Variants in SPI1 observed in about 807,000 individuals in gnomAD.
SPI1 encodes the protein Spi-1 proto-oncogene.
Under a neutral mutation model 30.7 loss-of-function variants are expected in SPI1, and 3 were observed. That is an observed-to-expected ratio of 0.10 (90% CI 0.04 to 0.25). The LOEUF (loss-of-function observed/expected upper bound fraction) is 0.25, where lower values mean the gene tolerates loss of function less well. Among genes scored for constraint, SPI1 ranks in the 10% least tolerant of loss-of-function variants. The probability of loss-of-function intolerance (pLI) is 1.00; values close to 1 mark genes in which losing one functional copy is unlikely to be tolerated. For synonymous variants in SPI1, 169 were observed against 157.1 expected, an observed-to-expected ratio of 1.08 and a Z score of -0.56; for missense variants, 261 against 371.5, an observed-to-expected ratio of 0.70 and a Z score of 2.45.
At chr11:47,360,998 G>A in intron 2 of SPI1, among the ~76,000 whole-genome samples, 1 of 148,596 alleles carries the variant, frequency 6.7e-6, no homozygotes, top group Non-Finnish European at 1.5e-5. Flanking sequence ...GCGGGTGCCT[G>A]TAGTCCCAGC....
chr11:47,372,555 G>A (rs1565644171), intron 2 of SPI1, among the ~76,000 whole-genome samples: 1 of 152,166 alleles, frequency 6.6e-6, no homozygotes, highest in Non-Finnish European at 1.5e-5. Flanking sequence ...CAGATGGGAA[G>A]CGGCTGGCAG....
At position 47,355,272 on chromosome 11, in the gene SPI1, C is replaced by G; in HGVS notation, c.768G>C (p.Val256=). ...GCTCGGCCAGGCCCCCGCGGCCCAG[C>G]ACTTCGCCGCTGAACTGGTAGGTGA... ...KKLTYQFSGE[V]LGRGGLAERR... is the part of the protein sequence containing the mutation. The change falls in exon 5 of 5, where the codon GTG becomes GTC. Residue 256 remains valine (V), a synonymous_variant. Transcript: ENST00000378538. The G allele has an allele frequency of 6.4e-7, 1 of 1,551,814 alleles. No homozygotes were observed. Among genetic ancestry groups the G allele is most frequent in the Non-Finnish European group, 8.7e-7 (1 of 1,151,298 alleles).
chr11:47,355,506 G>T lies in SPI1; in HGVS notation c.534C>A (p.Asp178Glu). 1 of 1,608,798 alleles carries T rather than the reference G, an allele frequency of 6.2e-7. No homozygotes were observed. The highest frequency in any genetic ancestry group is 8.5e-7 in the Non-Finnish European group (1 of 1,177,336). Residue 178 changes from aspartate to glutamate, a missense_variant, in exon 5 of 5, where the codon GAC becomes GAA. Asp to Glu is a conservative substitution (Grantham distance 45, BLOSUM62 2). This residue lies in a region of SPI1 where 43 missense variants were observed against 123.8 expected (regional missense o/e 0.35). Coordinates refer to ENST00000378538, the MANE Select transcript of SPI1 (RefSeq NM_003120.3). ...KKIRLYQFLL[D>E]LLRSGDMKDS... ...CCTTCATGTCGCCGCTGCGGAGCAG[G>T]TCCAACAGGAACTGGTACAGGCGGA...
chr11:47,357,339 TCA>T (rs2095912717), intron 4 of SPI1, among the ~76,000 whole-genome samples: 2 of 75,354 alleles, frequency 2.7e-5, no homozygotes, highest in South Asian at 5.4e-4. Context: ...TGACACCTGC[TCA>T]CTCATATTTC....
intron 2 of SPI1, among the ~76,000 whole-genome samples, chr11:47,365,662 AACTTTCAGTAAGACCTGTGGTG>A (rs58706683): frequency 0.31 from 46,940 of 151,954 alleles, 7,405 homozygotes; most frequent in Middle Eastern, 0.41. Context: ...GATTAATGAA[AACTTTCAGTAAGACCTGTGGTG>A]ACGCTGAGAG....
chr11:47,358,930 C>T lies in SPI1; in HGVS notation c.407G>A (p.Gly136Asp). The change falls in exon 4 of 5, where the codon GGC becomes GAC. Residue 136 changes from glycine (G) to aspartate (D), a missense_variant. Gly to Asp is a moderately conservative substitution (Grantham distance 94). Around this residue, in one of 5 missense-constraint regions of SPI1, gnomAD observed 106 missense variants for 102.0 expected, o/e 1.04. Transcript: ENST00000378538. ...CTCCAGTGGGGGGCTCTGCCGCTCG[C>T]CCTCCTCCTCATCTGAGCTGGGCTG... The part of the protein sequence containing the change: ...PAQPSSDEEE[G>D]ERQSPPLEVS... 6.4e-7 allele frequency: 1 copy of T among 1,565,516 alleles called. No homozygotes were observed. The highest frequency in any genetic ancestry group is 8.6e-7 in the Non-Finnish European group (1 of 1,156,114).
chr11:47,355,997 A>G (rs1169120079), intron 4 of SPI1, among the ~76,000 whole-genome samples: 3 of 150,602 alleles, frequency 2.0e-5, no homozygotes, highest in Non-Finnish European at 4.4e-5. Flanking sequence ...GCTCACACGT[A>G]CAATGTATCT....
rs10466479 is a variant in SPI1 at position 47,364,678 on chromosome 11, C to T, written c.143-4638G>A. Among the ~76,000 whole-genome samples the T allele has an allele frequency of 6.9e-3, 1,043 of 152,190 alleles. 14 individuals carry two copies. Among genetic ancestry groups the T allele is most frequent in the African/African-American group, 0.023 (965 of 41,492 alleles). On this transcript the variant is annotated intron_variant, in intron 2 of 4. Transcript: ENST00000378538. The stretch of plus-strand genomic sequence containing the variant: ...GGCACCCAATTGCTCTGTTTTCCTC[C>T]GCACCCCCACCTCTGTTCTAGCTCC...
chr11:47,356,000 A>G (rs776966288), intron 4 of SPI1, among the ~76,000 whole-genome samples: 5 of 150,254 alleles, frequency 3.3e-5, no homozygotes, highest in Non-Finnish European at 7.4e-5. Flanking sequence ...CACACGTACA[A>G]TGTATCTGAT....
At chr11:47,365,148 C>A (rs1030141530) in intron 2 of SPI1, among the ~76,000 whole-genome samples, 7 of 152,088 alleles carry the variant, frequency 4.6e-5, no homozygotes, top group African/African-American at 1.7e-4. Flanking sequence ...CTCTTTGGAC[C>A]CCATTTCCGG....
At chr11:47,356,876 A>T (rs958724091) in intron 4 of SPI1, among the ~76,000 whole-genome samples, 1 of 134,690 alleles carries the variant, frequency 7.4e-6, no homozygotes, top group African/African-American at 2.7e-5. Context: ...ATCTCACATT[A>T]CTCAGCTACA....
intron 4 of SPI1, among the ~76,000 whole-genome samples, chr11:47,357,820 C>G (rs935382522): frequency 6.6e-6 from 1 of 152,200 alleles, no homozygotes; most frequent in Admixed American, 6.5e-5. Flanking sequence ...CCTGCCTCAG[C>G]CTCCCAAAGT....
At position 47,358,857 on chromosome 11, in the gene SPI1, C is replaced by G; in HGVS notation, c.480G>C (p.Leu160=). The change falls in exon 4 of 5, where the codon CTG becomes CTC. Residue 160 remains leucine, a synonymous_variant. Transcript: ENST00000378538. ...CAGGTGCCCCACCTGTCTCCCCAGG[C>G]AGGAGCCCAGGCCCGGGCTCCAGGC... ...ADGLEPGPGL[L]PGETGSKKKI... The G allele has an allele frequency of 6.5e-7, 1 of 1,549,340 alleles. No individual in the cohort carries two copies.
chr11:47,376,631 C>T (rs2095942746), intron 1 of SPI1, among the ~76,000 whole-genome samples: 1 of 151,132 alleles, frequency 6.6e-6, no homozygotes, highest in South Asian at 2.1e-4. Context: ...TCCCCCTCTT[C>T]CCTGTCCTCC....
chr11:47,364,311 A>C (rs1466459402), intron 2 of SPI1, among the ~76,000 whole-genome samples: 2 of 151,966 alleles, frequency 1.3e-5, no homozygotes, highest in African/African-American at 4.8e-5. Context: ...CGGCCTCCCA[A>C]AGTGCTGGGA....
chr11:47,378,346 T>G lies in SPI1; in HGVS notation c.8A>C (p.Gln3Pro), dbSNP rs867961380. ML[Q>P]ACKMEGFPLV... ...GGGAAACCCTTCCATTTTGCACGCC[T>G]GTAACATCCAGCCGGGCTCCGAGTC... Residue 3 changes from glutamine to proline, a missense_variant, in exon 1 of 5, where the codon CAG (glutamine) becomes CCG (proline). Gln to Pro is a moderately conservative substitution (Grantham distance 76, BLOSUM62 -1). Transcript: ENST00000378538. The G allele has an allele frequency of 6.2e-7, 1 of 1,613,272 alleles. No individual in the cohort carries two copies. Among genetic ancestry groups the G allele is most frequent in the Non-Finnish European group, 8.5e-7 (1 of 1,179,710 alleles).
chr11:47,364,384 T>G (rs1445827703), intron 2 of SPI1, among the ~76,000 whole-genome samples: 1 of 152,032 alleles, frequency 6.6e-6, no homozygotes, highest in East Asian at 1.9e-4. Flanking sequence ...ATCCCGAAAC[T>G]CTCCTCGCTG....
chr11:47,355,216 G>C lies in SPI1; in HGVS notation c.*11C>G, dbSNP rs2095906194. On this transcript the variant is annotated 3_prime_UTR_variant, in exon 5 of 5. Transcript: ENST00000378538. ...GGGGAGGCCTGGCGGGGCCCGGCGG[G>C]GGCTGCGGGCTCAGTGGGGCGGGTG... is the stretch of plus-strand genomic sequence containing the variant. 2.2e-6 allele frequency: 3 copies of C among 1,350,328 alleles called. No individual in the cohort carries two copies. Among genetic ancestry groups the C allele is most frequent in the Non-Finnish European group, 2.8e-6 (3 of 1,057,704 alleles). The allele number at this position is 1,350,328 out of a possible 1,614,324, so 83.6% of individuals were successfully genotyped here.
intron 1 of SPI1, among the ~76,000 whole-genome samples, chr11:47,377,390 G>A (rs914329909): frequency 1.1e-4 from 16 of 152,130 alleles, no homozygotes; most frequent in Non-Finnish European, 1.9e-4. Flanking sequence ...ACTCCTGAGA[G>A]GTCATGGGGT....
Sources: allele counts gnomAD v4.1 joint callset (sites outside exome capture counted in the v4.1 genomes callset), GRCh38; gene constraint gnomAD v4.1.1; regional missense constraint gnomAD v4.1.1; transcripts MANE v1.5; gene names NCBI Gene and HGNC (gene_info 2026-07-23, HGNC 2026-07-21).